Variants in BTBD7 observed in about 807,000 individuals in gnomAD.
BTBD7 encodes BTB domain containing 7.
A neutral mutation model predicts 99.9 loss-of-function variants in BTBD7; 38 were observed. The observed-to-expected ratio is 0.38, with a 90% CI of 0.29 to 0.50. The LOEUF is 0.50. Among genes scored for constraint, BTBD7 ranks in the 20% least tolerant of loss-of-function variants. The pLI is 0.93. For synonymous variants in BTBD7, 520 were observed against 511.4 expected (o/e 1.02, Z -0.23); for missense variants, 1,170 against 1,394.6 (o/e 0.84, Z 2.57).
rs187210255 is a variant in BTBD7 at position 93,275,311 on chromosome 14, C to T, written c.1163-11318G>A. ...TCCCTATTCCTTTTATCTTCTTCAG[C>T]TTTCTTTTCTCAGAACACACCTAAC... On this transcript the variant is annotated intron_variant, in intron 3 of 10. Coordinates refer to ENST00000334746, the MANE Select transcript of BTBD7 (RefSeq NM_001002860.4). 2.0e-5 allele frequency among the ~76,000 whole-genome samples: 3 copies of T among 152,316 alleles called. No individual in the cohort carries two copies. In the East Asian group the frequency reaches 5.8e-4, roughly 29 times the overall value.
At position 93,325,999 on chromosome 14, in the gene BTBD7, A is replaced by C. The variant is rs933562052; in HGVS notation, c.-107+6821T>G. On this transcript the variant is annotated intron_variant, in intron 1 of 10. Transcript: ENST00000334746. ...AATAGTAAGGGTATCTGAAAGATTC[A>C]ATTTGTGATGTCAAATTTACAAACT... 3.9e-5 allele frequency among the ~76,000 whole-genome samples: 6 copies of C among 152,206 alleles called. No homozygotes were observed. The East Asian group carries it at 7.7e-4, about 20-fold the overall frequency.
intron 1 of BTBD7, among the ~76,000 whole-genome samples, chr14:93,297,082 T>C (rs1162162920): frequency 6.6e-6 from 1 of 152,208 alleles, no homozygotes; most frequent in Admixed American, 6.5e-5. Flanking sequence ...AAATCTATTA[T>C]TGGAATTGTT....
intron 1 of BTBD7, among the ~76,000 whole-genome samples, chr14:93,326,284 C>G (rs1448145694): frequency 6.6e-6 from 1 of 151,160 alleles, no homozygotes; most frequent in Non-Finnish European, 1.5e-5. Flanking sequence ...CTGGGCAGCA[C>G]AGTGAAACCC....
intron 6 of BTBD7, 135 bp downstream of exon 6, chr14:93,257,060 A>T: frequency 1.2e-6 from 1 of 834,896 alleles, no homozygotes. Flanking sequence ...CGTACACAAT[A>T]GACATCTGTC....
intron 10 of BTBD7, 133 bp downstream of exon 10, chr14:93,245,692 A>C: frequency 6.8e-7 from 1 of 1,460,892 alleles, no homozygotes; most frequent in South Asian, 1.4e-5. Flanking sequence ...CATACCCCTC[A>C]AGTCTATGCC....
At chr14:93,297,578 G>A (rs983554958) in intron 1 of BTBD7, among the ~76,000 whole-genome samples, 3 of 152,172 alleles carry the variant, frequency 2.0e-5, no homozygotes, top group Admixed American at 2.0e-4. Flanking sequence ...TTGCAAAACA[G>A]GAAAACAGGA....
chr14:93,289,440 G>A (rs909828422), intron 3 of BTBD7, among the ~76,000 whole-genome samples: 1 of 152,162 alleles, frequency 6.6e-6, no homozygotes, highest in African/African-American at 2.4e-5. Flanking sequence ...AGCCACGCCA[G>A]AGCTCTAACA....
At chr14:93,292,890 T>C (rs1595317689) in intron 3 of BTBD7, among the ~76,000 whole-genome samples, 1 of 152,212 alleles carries the variant, frequency 6.6e-6, no homozygotes, top group East Asian at 1.9e-4. Context: ...GACTTAACCA[T>C]ATAATACATA....
intron 6 of BTBD7, 147 bp downstream of exon 6, chr14:93,257,048 A>G: frequency 1.3e-6 from 1 of 767,858 alleles, no homozygotes; most frequent in Non-Finnish European, 2.1e-6. Flanking sequence ...GAGATACAAC[A>G]TCGTACACAA....
chr14:93,262,182 G>A (rs1413249219), intron 4 of BTBD7, among the ~76,000 whole-genome samples: 1 of 151,314 alleles, frequency 6.6e-6, no homozygotes, highest in Non-Finnish European at 1.5e-5. Context: ...GCCCAGGCTG[G>A]AGTGCAGTGG....
chr14:93,313,391 G>C (rs1002376794), intron 1 of BTBD7, among the ~76,000 whole-genome samples: 2 of 152,162 alleles, frequency 1.3e-5, no homozygotes, highest in South Asian at 4.1e-4. Context: ...TTAGTTGTTA[G>C]GGTTTTGTTA....
intron 1 of BTBD7, among the ~76,000 whole-genome samples, chr14:93,300,249 TCTTTG>T (rs1264473535): frequency 6.7e-6 from 1 of 148,284 alleles, no homozygotes; most frequent in Non-Finnish European, 1.5e-5. Flanking sequence ...GGAAGTTCTT[TCTTTG>T]TTCTTTTTTT....
At chr14:93,315,949 ATCTT>A (rs2053198898) in intron 1 of BTBD7, among the ~76,000 whole-genome samples, 1 of 115,976 alleles carries the variant, frequency 8.6e-6, no homozygotes, top group African/African-American at 3.6e-5. Flanking sequence ...AGCAAAATGT[ATCTT>A]TTTTTTTTTT....
chr14:93,284,932 A>G (rs186306524), intron 3 of BTBD7, among the ~76,000 whole-genome samples: 3 of 152,070 alleles, frequency 2.0e-5, no homozygotes, highest in East Asian at 3.9e-4. Context: ...AAAAGATGCA[A>G]TATTATATAT....
At chr14:93,273,593 A>G (rs2052622272) in intron 3 of BTBD7, among the ~76,000 whole-genome samples, 1 of 152,230 alleles carries the variant, frequency 6.6e-6, no homozygotes, top group Non-Finnish European at 1.5e-5. Context: ...TGGTTGGCTT[A>G]GCTGAGAATA....
At position 93,294,485 on chromosome 14, in the gene BTBD7, C is replaced by A; in HGVS notation, c.535G>T (p.Ala179Ser). ...GTATTGATGTCCATTATTATCTCTG[C>A]CCCATACTCTGGTGAGGAAGAAAGC... ...TLLSSSPEYG[A>S]EIIMDINTAG... The change falls in exon 3 of 11, where the codon GCA (alanine) becomes TCA (serine). Residue 179 changes from alanine to serine, a missense_variant. Ala to Ser is a moderately conservative substitution (Grantham distance 99, BLOSUM62 1). Coordinates refer to ENST00000334746, the MANE Select transcript of BTBD7 (RefSeq NM_001002860.4). 1 of 1,614,096 alleles carries A rather than the reference C, an allele frequency of 6.2e-7. No homozygotes were observed. The highest frequency in any genetic ancestry group is 8.5e-7 in the Non-Finnish European group (1 of 1,180,014).
rs1254661060 is a variant in BTBD7 at position 93,286,768 on chromosome 14, T to C, written c.1162+7090A>G. 2.6e-5 allele frequency among the ~76,000 whole-genome samples: 4 copies of C among 152,218 alleles called. No homozygotes were observed. In the East Asian group the frequency reaches 7.7e-4, roughly 29 times the overall value. The stretch of plus-strand genomic sequence containing the variant: ...TCTGAGCCTCACCACATTCATCGGC[T>C]GACAGGATGACCAATGGAGATAAGT... On this transcript the variant is annotated intron_variant, in intron 3 of 10. Coordinates refer to ENST00000334746, the MANE Select transcript of BTBD7 (RefSeq NM_001002860.4).
intron 1 of BTBD7, among the ~76,000 whole-genome samples, chr14:93,311,743 TA>T (rs922108917): frequency 2.3e-5 from 3 of 129,902 alleles, no homozygotes; most frequent in African/African-American, 9.7e-5. Context: ...AAAATATTTT[TA>T]ATTTTTTTTT....
chr14:93,308,959 C>T (rs984192555), intron 1 of BTBD7, among the ~76,000 whole-genome samples: 1 of 152,146 alleles, frequency 6.6e-6, no homozygotes, highest in Non-Finnish European at 1.5e-5. Context: ...ACTATATATA[C>T]ACTTAAAACT....
Sources: gnomAD v4.1 joint callset for allele counts (sites outside exome capture counted in the v4.1 genomes callset) on GRCh38, gnomAD v4.1.1 for gene constraint, MANE v1.5 for transcripts, NCBI Gene and HGNC (gene_info 2026-07-23, HGNC 2026-07-21) for gene names.